The following ATXN1 variants were observed in gnomAD, a reference collection of about 807,000 sequenced individuals.
ATXN1 encodes ataxin 1, also known as ataxin-1.
In ATXN1, 8 loss-of-function variants were observed where a neutral mutation model predicts 56.4. That is an observed-to-expected ratio of 0.14 (90% CI 0.08 to 0.26). The LOEUF is 0.26. Among genes scored for constraint, ATXN1 ranks in the 10% least tolerant of loss-of-function variants. ATXN1 has a pLI of 1.00. For missense variants in ATXN1, 987 were observed against 1,106.5 expected, an observed-to-expected ratio of 0.89 and a Z score of 1.53; for synonymous variants, 514 against 494.6, an observed-to-expected ratio of 1.04 and a Z score of -0.52.
intron 4 of ATXN1, among the ~76,000 whole-genome samples, chr6:16,522,897 G>A (rs1761320703): frequency 6.6e-6 from 1 of 152,156 alleles, no homozygotes; most frequent in Non-Finnish European, 1.5e-5. Context: ...CAATCAATAT[G>A]TAGAGAACAA....
chr6:16,686,622 A>G (rs1471695622), intron 2 of ATXN1, among the ~76,000 whole-genome samples: 1 of 152,248 alleles, frequency 6.6e-6, no homozygotes, highest in African/African-American at 2.4e-5. Flanking sequence ...CTAGAAACAG[A>G]AAAGATTAAA....
intron 6 of ATXN1, among the ~76,000 whole-genome samples, chr6:16,449,853 A>T (rs1271209054): frequency 6.6e-6 from 1 of 152,152 alleles, no homozygotes; most frequent in African/African-American, 2.4e-5. Flanking sequence ...CAACAACATA[A>T]AAAATATACC....
chr6:16,396,642 A>T (rs1758464865), intron 6 of ATXN1, among the ~76,000 whole-genome samples: 1 of 152,212 alleles, frequency 6.6e-6, no homozygotes, highest in South Asian at 2.1e-4. Flanking sequence ...CAGTCCTTAT[A>T]AAGTCTACAG....
intron 4 of ATXN1, among the ~76,000 whole-genome samples, chr6:16,573,982 T>A (rs1762377245): frequency 2.0e-5 from 3 of 152,232 alleles, no homozygotes; most frequent in Admixed American, 1.3e-4. Flanking sequence ...TGGATTGCTC[T>A]ATAATTGCTT....
At chr6:16,685,271 A>C (rs961900069) in intron 2 of ATXN1, among the ~76,000 whole-genome samples, 11 of 152,210 alleles carry the variant, frequency 7.2e-5, no homozygotes, top group Non-Finnish European at 1.5e-5. Context: ...ATTTTGCTAA[A>C]CTTTAAAAAT....
At chr6:16,375,236 G>A (rs1762120627) in intron 6 of ATXN1, among the ~76,000 whole-genome samples, 1 of 152,214 alleles carries the variant, frequency 6.6e-6, no homozygotes, top group African/African-American at 2.4e-5. Context: ...ACCTGGATTT[G>A]AAAAGGATAT....
intron 6 of ATXN1, among the ~76,000 whole-genome samples, chr6:16,335,382 T>A (rs1581697149): frequency 6.6e-6 from 1 of 152,174 alleles, no homozygotes; most frequent in Non-Finnish European, 1.5e-5. Flanking sequence ...AGATGCTGTC[T>A]GAGAGCCTCG....
At chr6:16,650,877 T>C (rs964229188) in intron 3 of ATXN1, among the ~76,000 whole-genome samples, 4 of 152,212 alleles carry the variant, frequency 2.6e-5, no homozygotes, top group African/African-American at 9.6e-5. Context: ...ATGTCAGAAA[T>C]GCCCTGAATC....
At chr6:16,552,311 T>A (rs1011136256) in intron 4 of ATXN1, among the ~76,000 whole-genome samples, 7 of 152,226 alleles carry the variant, frequency 4.6e-5, no homozygotes, top group African/African-American at 1.7e-4. Context: ...TAAATCCTTA[T>A]GAAGCCATGT....
chr6:16,733,850 A>G (rs1217822299), intron 2 of ATXN1, among the ~76,000 whole-genome samples: 1 of 152,030 alleles, frequency 6.6e-6, no homozygotes, highest in Non-Finnish European at 1.5e-5. Context: ...TCCATCTCAA[A>G]TGAAAAAGAA....
chr6:16,328,150 C>A lies in ATXN1; in HGVS notation c.161G>T (p.Gly54Val). The A allele has an allele frequency of 6.3e-7, 1 of 1,582,538 alleles. No individual in the cohort carries two copies. The highest frequency in any genetic ancestry group is 8.6e-7 in the Non-Finnish European group (1 of 1,160,902). Residue 54 changes from glycine (G) to valine (V), a missense_variant, in exon 7 of 8, where the codon GGC (glycine) becomes GTC (valine). Gly to Val is a moderately radical substitution (Grantham distance 109). Transcript: ENST00000436367. This position sits in a 1 kb window ranked among gnomAD's most constrained non-coding sequence, Gnocchi z 6.2. Reference sequence around the variant, plus strand: ...CGGCCCATGCCTCCCGCCCCCGTGGCCCCGGCCACCAGGGTTGCCCGGGAG... The same window carrying A: ...CGGCCCATGCCTCCCGCCCCCGTGGACCCGGCCACCAGGGTTGCCCGGGAG... ...AWLPGNPGGR[G>V]HGGGRHGPAG...
chr6:16,548,460 C>T (rs1282965338), intron 4 of ATXN1, among the ~76,000 whole-genome samples: 1 of 152,114 alleles, frequency 6.6e-6, no homozygotes, highest in Non-Finnish European at 1.5e-5. Context: ...CTTACTGTAA[C>T]TTTTTTACTT....
At chr6:16,409,922 C>T (rs138973800) in intron 6 of ATXN1, among the ~76,000 whole-genome samples, 89 of 152,178 alleles carry the variant, frequency 5.8e-4, no homozygotes, top group African/African-American at 1.9e-3. Context: ...GCGGGTTGAG[C>T]GAAAACAAGG....
intron 6 of ATXN1, among the ~76,000 whole-genome samples, chr6:16,341,827 G>A (rs989839879): frequency 7.4e-5 from 11 of 149,628 alleles, no homozygotes; most frequent in Admixed American, 4.0e-4. Context: ...CTGGTATAGA[G>A]GATCTTTAAG....
chr6:16,326,325 T>C lies in ATXN1; in HGVS notation c.1917+69A>G, dbSNP rs764290214. 82 of 1,582,628 alleles carry C rather than the reference T, an allele frequency of 5.2e-5. No individual in the cohort carries two copies. The highest frequency in any genetic ancestry group is 7.0e-5 in the Non-Finnish European group (81 of 1,164,976). On this transcript the variant is annotated intron_variant, in intron 7 of 7. Transcript: ENST00000436367. The surrounding 1 kb of genome is among the most constrained non-coding windows in gnomAD (Gnocchi z 6.6). ...AATCCTGCCTCATAGAAGCAATTCG[T>C]CTTGCCAGGAGATGATGATGGCATC...
intron 7 of ATXN1, among the ~76,000 whole-genome samples, chr6:16,320,584 T>C (rs1227228671): frequency 2.6e-5 from 4 of 152,244 alleles, no homozygotes; most frequent in Non-Finnish European, 5.9e-5. Flanking sequence ...TGGGATAATA[T>C]AGAACGCCGC....
At chr6:16,383,671 G>A (rs1758180106) in intron 6 of ATXN1, among the ~76,000 whole-genome samples, 1 of 152,136 alleles carries the variant, frequency 6.6e-6, no homozygotes, top group Non-Finnish European at 1.5e-5. Flanking sequence ...CAGCTAGTCT[G>A]GGGACAAAAA....
chr6:16,455,487 T>G (rs572433972), intron 6 of ATXN1, among the ~76,000 whole-genome samples: 96 of 152,200 alleles, frequency 6.3e-4, no homozygotes, highest in Non-Finnish European at 1.2e-3. Flanking sequence ...AATAGTAAGC[T>G]ACTTGGGAAA....
At chr6:16,398,520 A>G (rs985326031) in intron 6 of ATXN1, among the ~76,000 whole-genome samples, 5 of 152,362 alleles carry the variant, frequency 3.3e-5, no homozygotes, top group African/African-American at 1.2e-4. Flanking sequence ...AAAACAAACT[A>G]TATACATACA....
Sources: gnomAD v4.1 joint callset for allele counts (sites outside exome capture counted in the v4.1 genomes callset) on GRCh38, gnomAD v4.1.1 for gene constraint, Gnocchi (gnomAD v3.1) non-coding constraint, MANE v1.5 for transcripts, NCBI Gene and HGNC (gene_info 2026-07-23, HGNC 2026-07-21) for gene names.